Variants in FGF14 observed in about 807,000 individuals in gnomAD.
FGF14 encodes fibroblast growth factor homologous factor 4.
A neutral mutation model predicts 25.5 loss-of-function variants in FGF14; 5 were observed. The ratio of observed to expected loss-of-function variants is 0.20; its 90% confidence interval spans 0.10 to 0.41. The LOEUF (loss-of-function observed/expected upper bound fraction) is 0.41, where lower values mean the gene tolerates loss of function less well. Ranked by LOEUF, FGF14 falls within the 10% of genes least tolerant of loss-of-function variation. FGF14 has a pLI of 1.00. For synonymous variants in FGF14, 138 were observed against 118.3 expected (o/e 1.17, Z -1.08); for missense variants, 222 against 320.1 (o/e 0.69, Z 2.34).
chr13:102,075,044 T>C (rs2043303759), intron 1 of FGF14, among the ~76,000 whole-genome samples: 1 of 152,198 alleles, frequency 6.6e-6, no homozygotes, highest in Admixed American at 6.5e-5. Flanking sequence ...TTCTCAGTTC[T>C]ATTCAACAAA....
In FGF14 at chr13:101,791,589, T is replaced by C. The variant is rs568786038; in HGVS notation, c.409-64779A>G. On this transcript the variant is annotated intron_variant, in intron 3 of 4. Coordinates refer to ENST00000376143, the MANE Select transcript of FGF14 (RefSeq NM_004115.4). Reference sequence around the variant, plus strand: ...ACTTCCTTACAAGCAAGGAGATTATTATTAGGGAGAGAGTCAATCATGGCC... The same window carrying C: ...ACTTCCTTACAAGCAAGGAGATTATCATTAGGGAGAGAGTCAATCATGGCC... Among the ~76,000 whole-genome samples the C allele has an allele frequency of 1.4e-3, 212 of 152,214 alleles. 1 individual carries two copies. Among genetic ancestry groups the C allele is most frequent in the African/African-American group, 5.0e-3 (206 of 41,570 alleles).
intron 1 of FGF14, among the ~76,000 whole-genome samples, chr13:102,358,687 C>T (rs2057483500): frequency 6.6e-6 from 1 of 152,148 alleles, no homozygotes; most frequent in African/African-American, 2.4e-5. Flanking sequence ...CAAAATACGT[C>T]TCTTAACAAA....
intron 1 of FGF14, among the ~76,000 whole-genome samples, chr13:102,001,583 G>A (rs1926015): frequency 0.43 from 65,333 of 152,020 alleles, 15,114 homozygotes; most frequent in East Asian, 0.7. Context: ...ACCCGTAAGA[G>A]TAACTCTGGA....
At chr13:102,223,137 A>T (rs1328225621) in intron 1 of FGF14, among the ~76,000 whole-genome samples, 1 of 152,288 alleles carries the variant, frequency 6.6e-6, no homozygotes, top group South Asian at 2.1e-4. Flanking sequence ...CCCCAGAAAA[A>T]TGCTAAAGTC....
chr13:102,159,048 G>A (rs1424591023), intron 1 of FGF14, among the ~76,000 whole-genome samples: 4 of 149,358 alleles, frequency 2.7e-5, no homozygotes, highest in Non-Finnish European at 4.4e-5. Flanking sequence ...GCCGAGGCAG[G>A]AGAATCACTT....
intron 1 of FGF14, among the ~76,000 whole-genome samples, chr13:101,997,941 A>C (rs1419696150): frequency 1.3e-5 from 2 of 152,214 alleles, no homozygotes; most frequent in Non-Finnish European, 2.9e-5. Flanking sequence ...ATAGATAGCA[A>C]AACAGTTACT....
chr13:102,371,436 A>T (rs1208115566), intron 1 of FGF14, among the ~76,000 whole-genome samples: 1 of 152,018 alleles, frequency 6.6e-6, no homozygotes, highest in Non-Finnish European at 1.5e-5. Context: ...TTCCCTTCTT[A>T]GCCAGCAAAC....
chr13:102,155,716 T>A (rs899314334), intron 1 of FGF14, among the ~76,000 whole-genome samples: 1 of 144,638 alleles, frequency 6.9e-6, no homozygotes, highest in African/African-American at 2.6e-5. Flanking sequence ...AATCAATGAA[T>A]CCAGGAGCTG....
At chr13:101,733,278 T>C (rs2035931289) in intron 3 of FGF14, among the ~76,000 whole-genome samples, 2 of 152,052 alleles carry the variant, frequency 1.3e-5, no homozygotes, top group South Asian at 4.1e-4. Flanking sequence ...GTACCTCAAA[T>C]AAAAGCATAA....
chr13:102,014,592 T>C (rs116195301), intron 1 of FGF14, among the ~76,000 whole-genome samples: 4 of 152,270 alleles, frequency 2.6e-5, no homozygotes, highest in African/African-American at 9.6e-5. Flanking sequence ...AAGAGTTACA[T>C]TCAACTTTTT....
chr13:101,740,644 T>C (rs923790805), intron 3 of FGF14, among the ~76,000 whole-genome samples: 10 of 151,954 alleles, frequency 6.6e-5, no homozygotes, highest in Non-Finnish European at 7.4e-5. Context: ...AGGTCAAATA[T>C]TGCAGTTTTG....
At chr13:101,892,596 A>G (rs1212861613) in intron 1 of FGF14, among the ~76,000 whole-genome samples, 5 of 152,196 alleles carry the variant, frequency 3.3e-5, no homozygotes. Flanking sequence ...ATGAATTTGC[A>G]GAGAACAAGG....
intron 1 of FGF14, among the ~76,000 whole-genome samples, chr13:102,331,466 A>G (rs1174024413): frequency 1.4e-4 from 22 of 152,196 alleles, no homozygotes; most frequent in Admixed American, 1.4e-3. Flanking sequence ...GTAGTTCACA[A>G]TGCTCCTAAT....
At chr13:102,263,187 A>C in intron 1 of FGF14, 1 of 553,750 alleles carries the variant, frequency 1.8e-6, no homozygotes, top group South Asian at 1.5e-5. Flanking sequence ...TTAACCCTAA[A>C]AGTCTTGTGA....
At chr13:102,150,925 G>A (rs1197204617) in intron 1 of FGF14, among the ~76,000 whole-genome samples, 1 of 152,284 alleles carries the variant, frequency 6.6e-6, no homozygotes, top group Non-Finnish European at 1.5e-5. Flanking sequence ...TGAGAAACTG[G>A]CCCAACTGAA....
At chr13:101,998,210 G>C (rs1305094694) in intron 1 of FGF14, among the ~76,000 whole-genome samples, 1 of 152,108 alleles carries the variant, frequency 6.6e-6, no homozygotes, top group African/African-American at 2.4e-5. Flanking sequence ...TCCTTAGAAG[G>C]AGAATGCACC....
chr13:102,154,429 G>GA (rs928679944), intron 1 of FGF14, among the ~76,000 whole-genome samples: 13 of 151,978 alleles, frequency 8.6e-5, no homozygotes, highest in Non-Finnish European at 7.4e-5. Context: ...CTTCATAAGT[G>GA]AAGGAGAAAT....
intron 1 of FGF14, among the ~76,000 whole-genome samples, chr13:101,978,881 A>G (rs1465194351): frequency 6.6e-6 from 1 of 152,126 alleles, no homozygotes; most frequent in African/African-American, 2.4e-5. Flanking sequence ...GCTACATATC[A>G]CACACCACAC....
At chr13:102,241,380 A>G (rs1176097902) in intron 1 of FGF14, among the ~76,000 whole-genome samples, 1 of 152,170 alleles carries the variant, frequency 6.6e-6, no homozygotes, top group African/African-American at 2.4e-5. Context: ...TTGCCTTCAC[A>G]TTCCCAAGTC....
Sources: gnomAD v4.1 joint callset for allele counts (sites outside exome capture counted in the v4.1 genomes callset) on GRCh38, gnomAD v4.1.1 for gene constraint, MANE v1.5 for transcripts, NCBI Gene and HGNC (gene_info 2026-07-23, HGNC 2026-07-21) for gene names.